The following SSPN variants were observed in gnomAD, a reference collection of about 807,000 sequenced individuals.
SSPN encodes sarcospan, also known as K-ras oncogene-associated protein.
SSPN carries 15 observed loss-of-function variants against 19.1 expected under a neutral mutation model. The ratio of observed to expected loss-of-function variants is 0.78; its 90% CI spans 0.52 to 1.21. The LOEUF is 1.21. SSPN is among the 50% of genes most tolerant of loss of function. The pLI, the probability that SSPN is intolerant of heterozygous loss-of-function variation, is 0.00. For missense variants in SSPN, 291 were observed against 314.0 expected (o/e 0.93, Z 0.55); for synonymous variants, 147 against 140.3 (o/e 1.05, Z -0.34).
chr12:26,199,385 GA>G lies in SSPN; in HGVS notation c.279+3441del, dbSNP rs201359128. On this transcript the variant is annotated intron_variant, in intron 1 of 2. Coordinates refer to ENST00000242729, the MANE Select transcript of SSPN (RefSeq NM_005086.5). ...ATTACAAAAGATTCCTGTAAGGGGG[GA>G]AAAAAACCCAGAATGGAGTCACTGT... 4.6e-3 allele frequency among the ~76,000 whole-genome samples: 706 copies of G among 152,214 alleles called. 1 individual carries two copies. The highest frequency in any genetic ancestry group is 0.02 in the Middle Eastern group (6 of 294).
chr12:26,191,677 TACAC>T (rs10525695), upstream of SSPN, among the ~76,000 whole-genome samples: 48,048 of 148,520 alleles, frequency 0.32, 8,659 homozygotes, highest in East Asian at 0.46. Context: ...TAATTTGTTC[TACAC>T]ACACACACAC....
At chr12:26,203,830 T>C (rs1460328256) in intron 1 of SSPN, among the ~76,000 whole-genome samples, 3 of 152,310 alleles carry the variant, frequency 2.0e-5, no homozygotes, top group South Asian at 2.1e-4. Flanking sequence ...GAGGGTTCTC[T>C]TCCTGGCTTG....
At chr12:26,167,524 G>A (rs984389318) in intron 1 of SSPN, among the ~76,000 whole-genome samples, 2 of 152,134 alleles carry the variant, frequency 1.3e-5, no homozygotes, top group Admixed American at 6.6e-5. Flanking sequence ...AGAAGAGCAG[G>A]CTTCCCTTTA....
intron 1 of SSPN, among the ~76,000 whole-genome samples, chr12:26,220,384 A>G (rs1156516197): frequency 6.6e-6 from 1 of 152,216 alleles, no homozygotes; most frequent in Non-Finnish European, 1.5e-5. Context: ...CCTAAATTGA[A>G]GCTTTCAAAA....
At chr12:26,178,893 CATTCACTT>C (rs767065323) in intron 1 of SSPN, among the ~76,000 whole-genome samples, 2 of 152,216 alleles carry the variant, frequency 1.3e-5, no homozygotes, top group African/African-American at 2.4e-5. Flanking sequence ...TTCATTAAAT[CATTCACTT>C]ATAGAGTAGT....
In SSPN at chr12:26,233,081, C is replaced by T. The variant is rs966778441; in HGVS notation, c.*2005C>T. On this transcript the variant is annotated 3_prime_UTR_variant, in exon 3 of 3. Coordinates refer to ENST00000242729, the MANE Select transcript of SSPN (RefSeq NM_005086.5). The surrounding 1 kb of genome is among the most constrained non-coding windows in gnomAD (Gnocchi z 4.3). ...GAAAGTAGCAGTTAATGCTAGTAAC[C>T]GTGAATTAGGCACCACTGAAAGCAC... The T allele has an allele frequency of 2.6e-5, 4 of 151,846 alleles. No individual in the cohort carries two copies. Among genetic ancestry groups the T allele is most frequent in the Non-Finnish European group, 5.9e-5 (4 of 67,998 alleles). 9.4% of individuals were successfully genotyped at this position (151,846 alleles called of 1,614,324 possible).
intron 1 of SSPN, chr12:26,122,195 G>A: frequency 2.1e-6 from 3 of 1,436,738 alleles, no homozygotes; most frequent in African/African-American, 1.5e-5. Context: ...GCGCCCCAAG[G>A]GGCGCCACCT....
chr12:26,183,508 TCTA>T (rs1435737353), intron 1 of SSPN, among the ~76,000 whole-genome samples: 1 of 152,252 alleles, frequency 6.6e-6, no homozygotes, highest in East Asian at 1.9e-4. Context: ...AATTTCTCCA[TCTA>T]CTGAGTTGTA....
At chr12:26,203,416 A>G (rs780220147) in intron 1 of SSPN, among the ~76,000 whole-genome samples, 6 of 152,162 alleles carry the variant, frequency 3.9e-5, no homozygotes, top group Middle Eastern at 3.4e-3. Flanking sequence ...GTTTATCACG[A>G]TGAGTTCATA....
chr12:26,124,545 T>G lies in SSPN; in HGVS notation c.-31+2393T>G, dbSNP rs137958863. 2.1e-4 allele frequency: 344 copies of G among 1,614,124 alleles called. 12 individuals are homozygous for G. Among genetic ancestry groups the G allele is most frequent in the South Asian group, 1.2e-3 (112 of 91,078 alleles). ...TTGGTGTCGTCTCGTTTCATGCTCC[T>G]TTTGGGTTTACACATATACAAAGAG... is the stretch of plus-strand genomic sequence containing the variant. On this transcript the variant is annotated intron_variant, in intron 1 of 2. Coordinates refer to the SSPN transcript ENST00000538142.
intron 2 of SSPN, among the ~76,000 whole-genome samples, chr12:26,226,509 T>A (rs184194329): frequency 6.6e-6 from 1 of 152,112 alleles, no homozygotes; most frequent in Non-Finnish European, 1.5e-5. Context: ...GCTCTTTTTT[T>A]TTTCTCAAGC....
At chr12:26,123,000 TG>T in intron 1 of SSPN, 1 of 1,567,524 alleles carries the variant, frequency 6.4e-7, no homozygotes, top group Non-Finnish European at 8.7e-7. Context: ...GGGCAAGAAC[TG>T]GGTGGCCACG....
At chr12:26,126,667 T>A (rs1944367680) in intron 1 of SSPN, 1 of 152,068 alleles carries the variant, frequency 6.6e-6, no homozygotes, top group Admixed American at 6.5e-5. Context: ...CTCGCGCTGC[T>A]GCAGTCTCCG....
At chr12:26,122,240 C>A (rs1944313710) in intron 1 of SSPN, 1 of 1,280,680 alleles carries the variant, frequency 7.8e-7, no homozygotes, top group African/African-American at 1.6e-5. Flanking sequence ...CGGCGCCCGC[C>A]TTCTCGGGAG....
At chr12:26,159,395 A>G (rs1944574495) in intron 1 of SSPN, among the ~76,000 whole-genome samples, 2 of 152,246 alleles carry the variant, frequency 1.3e-5, no homozygotes, top group Non-Finnish European at 1.5e-5. Flanking sequence ...AGGCAGCATG[A>G]CCAGACTAAA....
At chr12:26,191,148 A>G (rs1944785157), upstream of SSPN, among the ~76,000 whole-genome samples, 1 of 152,216 alleles carries the variant, frequency 6.6e-6, no homozygotes, top group Non-Finnish European at 1.5e-5. Flanking sequence ...CAATTTGTTT[A>G]TCCATTCTTC....
chr12:26,145,730 G>A (rs1297550771), intron 1 of SSPN, among the ~76,000 whole-genome samples: 1 of 152,194 alleles, frequency 6.6e-6, no homozygotes, highest in Non-Finnish European at 1.5e-5. Flanking sequence ...CTCAGATTGG[G>A]TACTGGTGGA....
chr12:26,171,075 A>G (rs1043091551), intron 1 of SSPN, among the ~76,000 whole-genome samples: 6 of 152,164 alleles, frequency 3.9e-5, no homozygotes, highest in Non-Finnish European at 8.8e-5. Context: ...CTTCCCTTTA[A>G]CAGGGTTCTT....
chr12:26,212,826 A>G (rs1420659701), intron 1 of SSPN, among the ~76,000 whole-genome samples: 3 of 152,136 alleles, frequency 2.0e-5, no homozygotes, highest in African/African-American at 7.2e-5. Context: ...AGAAGCTTCT[A>G]TTTTGAGCTT....
Sources: allele counts gnomAD v4.1 joint callset (sites outside exome capture counted in the v4.1 genomes callset), GRCh38; gene constraint gnomAD v4.1.1; non-coding constraint Gnocchi (gnomAD v3.1); transcripts MANE v1.5; gene names NCBI Gene and HGNC (gene_info 2026-07-23, HGNC 2026-07-21).